PRKCH: variants seen among roughly 807,000 people sequenced by gnomAD.
The protein encoded by PRKCH is protein kinase C eta type.
Under a neutral mutation model 82.5 loss-of-function variants are expected in PRKCH, and 28 were observed. That is an observed-to-expected ratio of 0.34 (90% CI 0.25 to 0.47). PRKCH has a LOEUF of 0.47. Ranked by LOEUF, PRKCH falls within the 20% of genes least tolerant of loss-of-function variation. PRKCH has a pLI of 1.00. For synonymous variants in PRKCH, 322 were observed against 327.4 expected, an observed-to-expected ratio of 0.98 and a Z score of 0.18; for missense variants, 705 against 881.8, an observed-to-expected ratio of 0.80 and a Z score of 2.54.
intron 9 of PRKCH, among the ~76,000 whole-genome samples, chr14:61,479,206 A>G (rs980733669): frequency 6.6e-6 from 1 of 151,978 alleles, no homozygotes; most frequent in African/African-American, 2.4e-5. Context: ...ACTCTCTTAT[A>G]CCCAGGCATT....
At chr14:61,230,668 C>G (rs1399332933) in intron 1 of PRKCH, among the ~76,000 whole-genome samples, 1 of 152,152 alleles carries the variant, frequency 6.6e-6, no homozygotes, top group Non-Finnish European at 1.5e-5. Context: ...TACAGAGAAG[C>G]TGTATGCAAA....
At chr14:61,348,647 G>T (rs1017637818) in intron 1 of PRKCH, among the ~76,000 whole-genome samples, 1 of 152,148 alleles carries the variant, frequency 6.6e-6, no homozygotes, top group South Asian at 2.1e-4. Context: ...GACCTGTTCC[G>T]CTTCCTTCTC....
chr14:61,315,978 C>G (rs1268423062), intron 1 of PRKCH, among the ~76,000 whole-genome samples: 1 of 152,072 alleles, frequency 6.6e-6, no homozygotes, highest in Non-Finnish European at 1.5e-5. Context: ...GAACTCCTGA[C>G]CTCAGGTGAT....
At chr14:61,236,710 CAAAA>C (rs35185475) in intron 1 of PRKCH, among the ~76,000 whole-genome samples, 28 of 87,670 alleles carry the variant, frequency 3.2e-4, no homozygotes, top group African/African-American at 1.2e-3. Flanking sequence ...TGTCTCAAAA[CAAAA>C]AAAAAAAAAA....
chr14:61,281,100 G>A (rs1296913885), intron 1 of PRKCH: 2 of 1,476,460 alleles, frequency 1.4e-6, no homozygotes, highest in Non-Finnish European at 1.8e-6. Context: ...GAGTGAAGGC[G>A]GTGTTGTCGG....
intron 10 of PRKCH, among the ~76,000 whole-genome samples, chr14:61,491,609 G>C (rs939944861): frequency 6.6e-6 from 1 of 152,164 alleles, no homozygotes. Context: ...TGACTTCCAA[G>C]ATCCTTCTTC....
chr14:61,363,520 C>T (rs1329628886), intron 1 of PRKCH, among the ~76,000 whole-genome samples: 1 of 152,142 alleles, frequency 6.6e-6, no homozygotes, highest in East Asian at 1.9e-4. Flanking sequence ...CAGAATGACA[C>T]TTGAAGTTCT....
intron 1 of PRKCH, among the ~76,000 whole-genome samples, chr14:61,376,841 C>T (rs1048542632): frequency 2.0e-5 from 3 of 152,218 alleles, no homozygotes; most frequent in Admixed American, 6.5e-5. Flanking sequence ...TAATTTCTAG[C>T]TTTACCTTCT....
chr14:61,283,789 G>A (rs1003457619), intron 1 of PRKCH, among the ~76,000 whole-genome samples: 2 of 152,000 alleles, frequency 1.3e-5, no homozygotes, highest in African/African-American at 2.4e-5. Flanking sequence ...TTATGATTGC[G>A]CCACTGTACT....
chr14:61,244,925 A>G (rs923062372), intron 1 of PRKCH, among the ~76,000 whole-genome samples: 1 of 152,202 alleles, frequency 6.6e-6, no homozygotes, highest in Non-Finnish European at 1.5e-5. Flanking sequence ...AATGTGTAAC[A>G]GACTGTAGCC....
At chr14:61,484,199 G>A (rs1381730091) in intron 9 of PRKCH, among the ~76,000 whole-genome samples, 3 of 151,588 alleles carry the variant, frequency 2.0e-5, no homozygotes, top group South Asian at 2.1e-4. Flanking sequence ...GCTCAGAGAC[G>A]TCGCCTGACC....
At chr14:61,252,596 T>A (rs2044956251) in intron 1 of PRKCH, among the ~76,000 whole-genome samples, 1 of 152,174 alleles carries the variant, frequency 6.6e-6, no homozygotes. Context: ...AGAGGCAACG[T>A]GACTTCCCCT....
chr14:61,372,559 C>T (rs2046376116), intron 1 of PRKCH, among the ~76,000 whole-genome samples: 1 of 151,932 alleles, frequency 6.6e-6, no homozygotes, highest in Non-Finnish European at 1.5e-5. Context: ...AACTTGTATC[C>T]CTTATGAGAA....
chr14:61,496,497 A>G (rs964143470), intron 10 of PRKCH, among the ~76,000 whole-genome samples: 1 of 152,028 alleles, frequency 6.6e-6, no homozygotes, highest in African/African-American at 2.4e-5. Flanking sequence ...CCAGCTACCA[A>G]TTCTTGCAGT....
At chr14:61,442,683 C>G (rs1037486788) in intron 2 of PRKCH, 1 of 154,904 alleles carries the variant, frequency 6.5e-6, no homozygotes, top group Non-Finnish European at 1.4e-5. Context: ...GTAATCCCAG[C>G]ACTTTGGGAG....
At chr14:61,391,608 T>G (rs1347319989) in intron 2 of PRKCH, among the ~76,000 whole-genome samples, 3 of 152,216 alleles carry the variant, frequency 2.0e-5, no homozygotes, top group Admixed American at 1.3e-4. Context: ...ACGTCTTTGG[T>G]TTTGTGCCAT....
In PRKCH at chr14:61,258,979, A is replaced by T. The variant is rs139954400; in HGVS notation, c.-19+71311A>T. On this transcript the variant is annotated intron_variant, in intron 1 of 3. Coordinates refer to the PRKCH transcript ENST00000555185. ...GCAATTCAAACCACCCCTGGATTCT[A>T]TTTTTATTTCACTTTTGCCAAGTTC... 5.0e-4 allele frequency among the ~76,000 whole-genome samples: 76 copies of T among 152,270 alleles called. 2 individuals are homozygous for T. The East Asian group carries it at 0.014, about 28-fold the overall frequency.
chr14:61,517,173 A>ACAT (rs2042840713), intron 10 of PRKCH, among the ~76,000 whole-genome samples: 1 of 152,184 alleles, frequency 6.6e-6, no homozygotes, highest in Non-Finnish European at 1.5e-5. Context: ...AGCAGCCTGC[A>ACAT]CATCCCTCCT....
chr14:61,272,677 G>A (rs1486213688), intron 1 of PRKCH, among the ~76,000 whole-genome samples: 3 of 152,064 alleles, frequency 2.0e-5, no homozygotes, highest in African/African-American at 7.2e-5. Flanking sequence ...TTTTTGAAGT[G>A]AATTGCATCT....
Sources: allele counts gnomAD v4.1 joint callset (sites outside exome capture counted in the v4.1 genomes callset), GRCh38; gene constraint gnomAD v4.1.1; transcripts MANE v1.5; gene names NCBI Gene and HGNC (gene_info 2026-07-23, HGNC 2026-07-21).